Variants in STPG2 observed in about 807,000 individuals in gnomAD.
STPG2 encodes the protein sperm-tail PG-rich repeat-containing protein 2.
Under a neutral mutation model 54.2 loss-of-function variants are expected in STPG2, and 56 were observed. The observed-to-expected ratio is 1.03, with a 90% CI of 0.83 to 1.29. The LOEUF (loss-of-function observed/expected upper bound fraction) is 1.29. Ranked by LOEUF, STPG2 falls within the 50% of genes most tolerant of loss-of-function variation. STPG2 has a pLI of 0.00. For missense variants in STPG2, 596 were observed against 544.9 expected, an observed-to-expected ratio of 1.09 and a Z score of -0.93; for synonymous variants, 200 against 181.8, an observed-to-expected ratio of 1.10 and a Z score of -0.81.
intron 5 of STPG2, among the ~76,000 whole-genome samples, chr4:98,068,944 T>C (rs1312637774): frequency 6.6e-6 from 1 of 152,086 alleles, no homozygotes; most frequent in Non-Finnish European, 1.5e-5. Flanking sequence ...AGTATTATAA[T>C]CTTATGGGAC....
intron 1 of STPG2, 112 bp downstream of exon 1, chr4:98,142,930 G>A: frequency 1.1e-6 from 1 of 883,694 alleles, no homozygotes; most frequent in South Asian, 1.4e-5. Flanking sequence ...GTTTTGTTAT[G>A]TTTACAAAAT....
intron 8 of STPG2, among the ~76,000 whole-genome samples, chr4:97,909,334 ATC>A (rs1055524641): frequency 6.3e-4 from 96 of 152,290 alleles, no homozygotes; most frequent in South Asian, 1.4e-3. Context: ...ACCAAATTTA[ATC>A]TGTTATTAAA....
At chr4:97,781,811 A>C (rs1338204982) in intron 9 of STPG2, among the ~76,000 whole-genome samples, 1 of 152,202 alleles carries the variant, frequency 6.6e-6, no homozygotes, top group Non-Finnish European at 1.5e-5. Flanking sequence ...CCAGCATATA[A>C]ACAGAACCAA....
chr4:97,485,485 A>C (rs1441988039), intron 4 of STPG2, among the ~76,000 whole-genome samples: 2 of 151,770 alleles, frequency 1.3e-5, no homozygotes, highest in Admixed American at 6.6e-5. Flanking sequence ...AAAACTTAGG[A>C]ATATACTTAA....
At position 97,904,033 on chromosome 4, in the gene STPG2, A is replaced by G. The variant is rs570331443; in HGVS notation, c.1044+39864T>C. The stretch of plus-strand genomic sequence containing the variant: ...CAGCGAGGCTGGGGGAGGGGCGCCC[A>G]GCATTGCCCAGGCTTGCTTAGGTAA... On this transcript the variant is annotated intron_variant, in intron 8 of 10. Transcript: ENST00000295268. Among the ~76,000 whole-genome samples, 809 of 152,342 alleles carry G rather than the reference A, an allele frequency of 5.3e-3. 5 individuals carry two copies. Among genetic ancestry groups the G allele is most frequent in the Non-Finnish European group, 8.2e-3 (560 of 68,014 alleles).
At chr4:98,141,942 GAAAAAA>G (rs3974892) in intron 1 of STPG2, among the ~76,000 whole-genome samples, 4 of 96,894 alleles carry the variant, frequency 4.1e-5, no homozygotes, top group African/African-American at 1.2e-4. Context: ...CAGTAGTTGG[GAAAAAA>G]AAAAAAAAAA....
intron 5 of STPG2, among the ~76,000 whole-genome samples, chr4:98,017,319 C>T (rs549673483): frequency 6.6e-6 from 1 of 152,314 alleles, no homozygotes; most frequent in South Asian, 2.1e-4. Context: ...GGAGCCTGTA[C>T]CCACTGATGT....
At chr4:97,609,147 T>G (rs1733671804) in intron 10 of STPG2, among the ~76,000 whole-genome samples, 1 of 152,072 alleles carries the variant, frequency 6.6e-6, no homozygotes, top group African/African-American at 2.4e-5. Flanking sequence ...TACAGAACTT[T>G]TTGAGTTTTT....
intron 10 of STPG2, among the ~76,000 whole-genome samples, chr4:97,661,089 T>C (rs1325805144): frequency 3.9e-5 from 6 of 151,972 alleles, no homozygotes; most frequent in African/African-American, 7.3e-5. Context: ...TGCCAACTAA[T>C]AGTAAATGAT....
At chr4:97,990,889 A>G (rs1053436487) in intron 5 of STPG2, among the ~76,000 whole-genome samples, 1 of 152,176 alleles carries the variant, frequency 6.6e-6, no homozygotes, top group Admixed American at 6.5e-5. Context: ...TTATTCCTAT[A>G]CCATAATCAG....
At chr4:97,799,625 C>G (rs902128656) in intron 9 of STPG2, among the ~76,000 whole-genome samples, 1 of 152,094 alleles carries the variant, frequency 6.6e-6, no homozygotes, top group Non-Finnish European at 1.5e-5. Context: ...ATTTTTTCCT[C>G]CATTTCAACT....
At chr4:97,825,332 AG>A (rs1413271046) in intron 9 of STPG2, among the ~76,000 whole-genome samples, 3 of 152,164 alleles carry the variant, frequency 2.0e-5, no homozygotes, top group African/African-American at 7.2e-5. Flanking sequence ...TGTAATAACT[AG>A]GTAGGAAATT....
rs761442566 is a variant in STPG2, at chr4:97,943,941, CA to C, written c.999del (p.Ala334LeufsTer10). The C allele has an allele frequency of 2.3e-5, 37 of 1,595,636 alleles. No homozygotes were observed. The African/African-American group carries it at 3.5e-4, about 15-fold the overall frequency. On this transcript the variant is annotated frameshift_variant, in exon 8 of 11. Coordinates refer to ENST00000295268, the MANE Select transcript of STPG2 (RefSeq NM_174952.3). LOFTEE classifies it high-confidence loss of function. Reference sequence around the variant, plus strand: ...GTTCTTTTGGCTCTTGACAAGAAAGCAGCATATTTGTTAGTCAAGTTAGGTA... The same window carrying C: ...GTTCTTTTGGCTCTTGACAAGAAAGCGCATATTTGTTAGTCAAGTTAGGTA... Reference protein sequence around the residue: ...DELPNLTNKYAAFLSRAKRTM... With the variant: ...DELPNLTNKYXAFLSRAKRTM...
chr4:97,685,864 T>C (rs751803946), intron 10 of STPG2, among the ~76,000 whole-genome samples: 93 of 152,296 alleles, frequency 6.1e-4, no homozygotes, highest in Non-Finnish European at 2.6e-4. Context: ...TCCATTTTTG[T>C]AAAAAGGCAA....
At chr4:97,882,832 G>A (rs1334163067) in intron 8 of STPG2, among the ~76,000 whole-genome samples, 1 of 152,076 alleles carries the variant, frequency 6.6e-6, no homozygotes, top group Non-Finnish European at 1.5e-5. Context: ...CCTATCAGAA[G>A]AAAAGGTAAG....
chr4:97,782,925 T>G (rs893648424), intron 9 of STPG2, among the ~76,000 whole-genome samples: 1 of 152,072 alleles, frequency 6.6e-6, no homozygotes, highest in Admixed American at 6.6e-5. Context: ...ATACAAAAAT[T>G]AATTCAAGAT....
chr4:97,465,404 G>C (rs566293170), intron 4 of STPG2, among the ~76,000 whole-genome samples: 9 of 152,154 alleles, frequency 5.9e-5, no homozygotes, highest in African/African-American at 9.6e-5. Context: ...TTATATATTA[G>C]AGCTGAATCC....
chr4:98,054,292 T>C (rs573794159), intron 5 of STPG2, among the ~76,000 whole-genome samples: 2 of 152,268 alleles, frequency 1.3e-5, no homozygotes, highest in South Asian at 4.1e-4. Flanking sequence ...TGTTACTCCA[T>C]ATAAAGTTTA....
chr4:97,454,469 C>T (rs962115293), intron 4 of STPG2, among the ~76,000 whole-genome samples: 6 of 126,674 alleles, frequency 4.7e-5, no homozygotes, highest in Admixed American at 3.0e-4. Flanking sequence ...GCCGAGATTG[C>T]GCCACTGCAG....
Sources: gnomAD v4.1 joint callset for allele counts (sites outside exome capture counted in the v4.1 genomes callset) on GRCh38, gnomAD v4.1.1 for gene constraint, MANE v1.5 for transcripts, NCBI Gene and HGNC (gene_info 2026-07-23, HGNC 2026-07-21) for gene names.